Variants in TAFA5 observed in about 807,000 individuals in gnomAD.
TAFA5 encodes TAFA chemokine like family member 5, also known as chemokine-like protein TAFA-5.
Under a neutral mutation model 15.3 loss-of-function variants are expected in TAFA5, and 6 were observed. The ratio of observed to expected loss-of-function variants is 0.39; its 90% CI spans 0.21 to 0.77. TAFA5 has a LOEUF of 0.77. Ranked by LOEUF, TAFA5 falls within the 30% of genes least tolerant of loss-of-function variation. The probability of loss-of-function intolerance (pLI) is 0.41; values close to 1 mark genes in which losing one functional copy is unlikely to be tolerated. For synonymous variants in TAFA5, 103 were observed against 80.7 expected (o/e 1.28, Z -1.48); for missense variants, 161 against 193.1 (o/e 0.83, Z 0.98).
At chr22:48,576,262 G>C in intron 1 of TAFA5, 18 of 484,850 alleles carry the variant, frequency 3.7e-5, no homozygotes, top group Non-Finnish European at 4.5e-5. Flanking sequence ...CGCCCCCTCC[G>C]CGGCGCCCCC....
Position 48,634,215 on chromosome 22 carries a change from C to T in TAFA5, c.113-12382C>T, listed in dbSNP as rs112794195. On this transcript the variant is annotated intron_variant, in intron 1 of 3. Transcript: ENST00000402357. ...CACTCACCCATCACTCACTCATTGACTAACTCACTTATTCACTCATTCACT... is the reference window on the plus strand; with the variant it reads ...CACTCACCCATCACTCACTCATTGATTAACTCACTTATTCACTCATTCACT... 3.0e-3 allele frequency among the ~76,000 whole-genome samples: 455 copies of T among 152,180 alleles called. 7 individuals carry two copies. The highest frequency in any genetic ancestry group is 0.011 in the African/African-American group (444 of 41,510).
At chr22:48,551,876 G>A (rs539837894) in intron 1 of TAFA5, among the ~76,000 whole-genome samples, 1 of 152,302 alleles carries the variant, frequency 6.6e-6, no homozygotes, top group Admixed American at 6.5e-5. Flanking sequence ...GGCAAGTGTG[G>A]GTGTGGCCGC....
chr22:48,718,784 G>C lies in TAFA5; in HGVS notation c.390+10940G>C, dbSNP rs151072219. ...GCCCCCCAACCTTCCAGTCCTCCGTGTGAGCCTCTTCCCTCTCTGTTGCTG... is the reference window on the plus strand; with the variant it reads ...GCCCCCCAACCTTCCAGTCCTCCGTCTGAGCCTCTTCCCTCTCTGTTGCTG... On this transcript the variant is annotated intron_variant, in intron 3 of 3. Transcript: ENST00000402357. Among the ~76,000 whole-genome samples, 21 of 152,252 alleles carry C rather than the reference G, an allele frequency of 1.4e-4. No homozygotes were observed. The East Asian group carries it at 3.9e-3, about 28-fold the overall frequency.
chr22:48,496,350 C>T (rs1261112221), intron 1 of TAFA5, among the ~76,000 whole-genome samples: 2 of 151,402 alleles, frequency 1.3e-5, no homozygotes, highest in African/African-American at 4.9e-5. Context: ...GGCATGGCTG[C>T]TGGCCTCGGG....
chr22:48,683,172 T>C (rs970768511), intron 2 of TAFA5, among the ~76,000 whole-genome samples: 1 of 152,110 alleles, frequency 6.6e-6, no homozygotes, highest in African/African-American at 2.4e-5. Flanking sequence ...GCTCTCTTGG[T>C]AAACGCACAC....
At chr22:48,724,248 C>T (rs530193607) in intron 3 of TAFA5, among the ~76,000 whole-genome samples, 1 of 152,340 alleles carries the variant, frequency 6.6e-6, no homozygotes, top group South Asian at 2.1e-4. Context: ...CTCTCAAAAG[C>T]TTTGTTTTGT....
At chr22:48,692,508 C>G (rs1928574331) in intron 2 of TAFA5, among the ~76,000 whole-genome samples, 1 of 152,216 alleles carries the variant, frequency 6.6e-6, no homozygotes, top group Non-Finnish European at 1.5e-5. Flanking sequence ...AAGTGATCCT[C>G]CTGCCTGGAC....
chr22:48,705,942 T>G (rs1929064575), intron 2 of TAFA5, among the ~76,000 whole-genome samples: 1 of 151,996 alleles, frequency 6.6e-6, no homozygotes, highest in South Asian at 2.1e-4. Context: ...GTTCTTTATT[T>G]AAAAAAAGGA....
At chr22:48,588,808 C>T (rs1271035832) in intron 1 of TAFA5, among the ~76,000 whole-genome samples, 1 of 152,090 alleles carries the variant, frequency 6.6e-6, no homozygotes, top group Admixed American at 6.5e-5. Flanking sequence ...TGGGAAGACC[C>T]GTCCCCGAGA....
chr22:48,707,670 G>T, intron 2 of TAFA5, 47 bp from the exon 3 acceptor site: 2 of 1,599,800 alleles, frequency 1.3e-6, no homozygotes, highest in Non-Finnish European at 1.7e-6. Flanking sequence ...ACACCCTCAC[G>T]ATCCATGAGA....
chr22:48,648,710 C>T (rs1235742176), intron 2 of TAFA5, among the ~76,000 whole-genome samples: 6 of 152,078 alleles, frequency 3.9e-5, no homozygotes, highest in Admixed American at 1.3e-4. Context: ...TGGTGGTGTG[C>T]ACCAGCTACT....
In TAFA5 at chr22:48,598,077, T is replaced by C. The variant is rs1924835926; in HGVS notation, c.113-48520T>C. 6.6e-6 allele frequency among the ~76,000 whole-genome samples: 1 copy of C among 152,170 alleles called. No homozygotes were observed. The highest frequency in any genetic ancestry group is 1.5e-5 in the Non-Finnish European group (1 of 68,034). ...TAAGCTTCTGCAGTTTCAGAGGCTG[T>C]CAGTATGACATCTGCAGGGAAGAGG... is the stretch of plus-strand genomic sequence containing the variant. On this transcript the variant is annotated intron_variant, in intron 1 of 3. Transcript: ENST00000402357. The surrounding 1 kb of genome is among the most constrained non-coding windows in gnomAD (Gnocchi z 4.0).
At chr22:48,601,488 G>A (rs1421952877) in intron 1 of TAFA5, among the ~76,000 whole-genome samples, 6 of 151,854 alleles carry the variant, frequency 4.0e-5, no homozygotes, top group African/African-American at 7.3e-5. Context: ...CACCATGCCC[G>A]GCGAATTTTT....
At chr22:48,683,909 T>C (rs547599208) in intron 2 of TAFA5, among the ~76,000 whole-genome samples, 1 of 152,246 alleles carries the variant, frequency 6.6e-6, no homozygotes, top group South Asian at 2.1e-4. Flanking sequence ...CCCTCCTGCC[T>C]CCATGTGAGA....
chr22:48,610,396 C>T (rs182186377), intron 1 of TAFA5, among the ~76,000 whole-genome samples: 3 of 152,370 alleles, frequency 2.0e-5, no homozygotes, highest in Non-Finnish European at 4.4e-5. Context: ...CCTCGCCTTG[C>T]GCCCTGGCCG....
chr22:48,496,037 C>A (rs1046885490), intron 1 of TAFA5, among the ~76,000 whole-genome samples: 1 of 152,216 alleles, frequency 6.6e-6, no homozygotes, highest in Non-Finnish European at 1.5e-5. Flanking sequence ...CGTGAAGGCC[C>A]GGCTTACTCC....
intron 3 of TAFA5, among the ~76,000 whole-genome samples, chr22:48,719,399 G>C (rs1377524058): frequency 1.3e-5 from 2 of 152,240 alleles, no homozygotes; most frequent in Non-Finnish European, 2.9e-5. Context: ...CATGGAGACT[G>C]ACTCAGGGAA....
intron 2 of TAFA5, among the ~76,000 whole-genome samples, chr22:48,676,260 G>T (rs1927968238): frequency 6.6e-6 from 1 of 152,250 alleles, no homozygotes; most frequent in Admixed American, 6.5e-5. Context: ...CTGGGGTCCA[G>T]GTTCCATCTG....
At chr22:48,702,630 C>T (rs1287950222) in intron 2 of TAFA5, among the ~76,000 whole-genome samples, 1 of 152,178 alleles carries the variant, frequency 6.6e-6, no homozygotes, top group Non-Finnish European at 1.5e-5. Flanking sequence ...GTTTGTCTGC[C>T]CAGAGCCCAC....
Sources: allele counts gnomAD v4.1 joint callset (sites outside exome capture counted in the v4.1 genomes callset), GRCh38; gene constraint gnomAD v4.1.1; non-coding constraint Gnocchi (gnomAD v3.1); transcripts MANE v1.5; gene names NCBI Gene and HGNC (gene_info 2026-07-23, HGNC 2026-07-21).